The following CPEB3 variants were observed in gnomAD, a reference collection of about 807,000 sequenced individuals.
The protein encoded by CPEB3 is cytoplasmic polyadenylation element-binding protein 3.
A neutral mutation model predicts 67.2 loss-of-function variants in CPEB3; 20 were observed. That is an observed-to-expected ratio of 0.30 (90% CI 0.21 to 0.43). The LOEUF (loss-of-function observed/expected upper bound fraction) is 0.43. Ranked by LOEUF, CPEB3 falls within the 20% of genes least tolerant of loss-of-function variation. The probability of loss-of-function intolerance (pLI) is 1.00; values close to 1 mark genes in which losing one functional copy is unlikely to be tolerated. For missense variants in CPEB3, 746 were observed against 968.6 expected (o/e 0.77, Z 3.05); for synonymous variants, 376 against 393.1 (o/e 0.96, Z 0.51).
chr10:92,289,717 C>T (rs1167886107), intron 1 of CPEB3, among the ~76,000 whole-genome samples: 1 of 8,224 alleles, frequency 1.2e-4, no homozygotes, highest in Non-Finnish European at 2.0e-4. Context: ...CGCGTCTCTA[C>T]CAAAAAAAAA....
At chr10:92,101,876 C>A (rs182380227) in intron 7 of CPEB3, among the ~76,000 whole-genome samples, 1 of 152,258 alleles carries the variant, frequency 6.6e-6, no homozygotes, top group Admixed American at 6.5e-5. Context: ...CCACTGCATT[C>A]CAGCCTGGGT....
intron 2 of CPEB3, among the ~76,000 whole-genome samples, chr10:92,203,912 C>G (rs534331861): frequency 6.6e-6 from 1 of 152,136 alleles, no homozygotes; most frequent in Non-Finnish European, 1.5e-5. Flanking sequence ...CAACATGCAC[C>G]TTTTACATTT....
intron 4 of CPEB3, among the ~76,000 whole-genome samples, chr10:92,177,421 T>G (rs778862329): frequency 3.3e-5 from 5 of 152,334 alleles, no homozygotes; most frequent in Non-Finnish European, 2.9e-5. Flanking sequence ...CTGTAATACT[T>G]GAGGACCTAA....
chr10:92,187,017 T>C (rs1848725976), intron 3 of CPEB3, among the ~76,000 whole-genome samples: 1 of 152,190 alleles, frequency 6.6e-6, no homozygotes, highest in Non-Finnish European at 1.5e-5. Context: ...AGAGACAGTA[T>C]ATTTTTCTGG....
In CPEB3 at chr10:92,121,155, C is replaced by T. The variant is rs565133654; in HGVS notation, c.1454-9961G>A. On this transcript the variant is annotated intron_variant, in intron 6 of 9. Coordinates refer to ENST00000265997, the MANE Select transcript of CPEB3 (RefSeq NM_014912.5). Reference sequence around the variant, plus strand: ...TCCCGATTAGCTGGGACTACAGGCACGTGCCACCACACCCAGCTAATTTTT... The same window carrying T: ...TCCCGATTAGCTGGGACTACAGGCATGTGCCACCACACCCAGCTAATTTTT... 8.6e-4 allele frequency among the ~76,000 whole-genome samples: 131 copies of T among 151,816 alleles called. 1 individual carries two copies. Among genetic ancestry groups the T allele is most frequent in the Non-Finnish European group, 1.5e-3 (101 of 67,926 alleles).
intron 4 of CPEB3, among the ~76,000 whole-genome samples, chr10:92,170,286 T>C (rs1847941606): frequency 1.3e-5 from 2 of 152,234 alleles, no homozygotes; most frequent in South Asian, 4.1e-4. Context: ...AAGATACTAA[T>C]ACAACTTCTC....
intron 7 of CPEB3, among the ~76,000 whole-genome samples, chr10:92,098,746 C>T (rs1844016947): frequency 6.6e-6 from 1 of 150,904 alleles, no homozygotes; most frequent in African/African-American, 2.4e-5. Context: ...GTTACCAAAC[C>T]AGTTTAACTA....
chr10:92,219,983 C>A (rs1206106099), intron 2 of CPEB3, among the ~76,000 whole-genome samples: 4 of 152,152 alleles, frequency 2.6e-5, no homozygotes, highest in East Asian at 1.9e-4. Context: ...TGTGGCAAAA[C>A]CCCATCTCTG....
intron 9 of CPEB3, among the ~76,000 whole-genome samples, chr10:92,074,117 GT>G (rs966771745): frequency 1.3e-5 from 2 of 149,892 alleles, no homozygotes; most frequent in African/African-American, 4.9e-5. Context: ...TAAAAAAATG[GT>G]TTTTTTTTAA....
chr10:92,241,289 C>CGCGA (rs771153225), intron 1 of CPEB3, among the ~76,000 whole-genome samples: 1 of 136,460 alleles, frequency 7.3e-6, no homozygotes, highest in African/African-American at 2.8e-5. Flanking sequence ...AGAGAGTGCG[C>CGCGA]GCGAGCGAGC....
At chr10:92,168,511 G>C (rs1448781966) in intron 4 of CPEB3, among the ~76,000 whole-genome samples, 2 of 151,960 alleles carry the variant, frequency 1.3e-5, no homozygotes, top group Non-Finnish European at 2.9e-5. Flanking sequence ...ATCTCATCTT[G>C]AATTGTAGTT....
chr10:92,236,767 T>C (rs564439259), intron 2 of CPEB3, among the ~76,000 whole-genome samples: 67 of 146,892 alleles, frequency 4.6e-4, no homozygotes, highest in African/African-American at 1.7e-3. Flanking sequence ...CACACACACA[T>C]AAAATACAGT....
intron 4 of CPEB3, among the ~76,000 whole-genome samples, chr10:92,174,321 C>T (rs1280408747): frequency 6.6e-6 from 1 of 152,222 alleles, no homozygotes; most frequent in Non-Finnish European, 1.5e-5. Flanking sequence ...AATGCCCTTT[C>T]ACATTGCCTC....
intron 1 of CPEB3, among the ~76,000 whole-genome samples, chr10:92,241,906 G>A (rs569798082): frequency 6.6e-6 from 1 of 152,294 alleles, no homozygotes; most frequent in East Asian, 1.9e-4. Context: ...ATTTAATGCA[G>A]TTACTTAATT....
chr10:92,132,052 TTAA>T (rs1845868536), intron 6 of CPEB3, among the ~76,000 whole-genome samples: 2 of 152,340 alleles, frequency 1.3e-5, no homozygotes, highest in Non-Finnish European at 2.9e-5. Context: ...AACAAAATTA[TTAA>T]TGAGATTCTC....
intron 1 of CPEB3, among the ~76,000 whole-genome samples, chr10:92,261,562 C>T (rs1353960271): frequency 6.6e-6 from 1 of 152,136 alleles, no homozygotes; most frequent in African/African-American, 2.4e-5. Context: ...ATTCTTCTGC[C>T]TCAGCCTCCC....
intron 2 of CPEB3, among the ~76,000 whole-genome samples, chr10:92,205,665 C>G (rs910123511): frequency 1.3e-5 from 2 of 151,600 alleles, no homozygotes; most frequent in Non-Finnish European, 2.9e-5. Flanking sequence ...TTAGTAGAGA[C>G]AGGATTTCAC....
intron 9 of CPEB3, among the ~76,000 whole-genome samples, chr10:92,069,475 C>T (rs1842673048): frequency 6.6e-6 from 1 of 151,098 alleles, no homozygotes; most frequent in Admixed American, 6.6e-5. Flanking sequence ...GTGATCTCGG[C>T]TCACTGCAAC....
intron 5 of CPEB3, 77 bp from the exon 6 acceptor site, chr10:92,143,195 TC>T (rs1198545834): frequency 1.9e-5 from 21 of 1,080,824 alleles, no homozygotes; most frequent in Non-Finnish European, 2.9e-5. Context: ...ACAAAACATG[TC>T]TTTTTAGTTT....
Sources: gnomAD v4.1 joint callset for allele counts (sites outside exome capture counted in the v4.1 genomes callset) on GRCh38, gnomAD v4.1.1 for gene constraint, MANE v1.5 for transcripts, NCBI Gene and HGNC (gene_info 2026-07-23, HGNC 2026-07-21) for gene names.